The following PARN variants were observed in gnomAD, a reference collection of about 807,000 sequenced individuals.
The protein encoded by PARN is poly(A)-specific ribonuclease.
Under a neutral mutation model 102.8 loss-of-function variants are expected in PARN, and 71 were observed. The observed-to-expected ratio is 0.69, with a 90% CI of 0.57 to 0.84. The LOEUF is 0.84. Among genes scored for constraint, PARN ranks in the 40% least tolerant of loss-of-function variants. The pLI is 0.00. For synonymous variants in PARN, 261 were observed against 252.9 expected (o/e 1.03, Z -0.30); for missense variants, 782 against 760.9 (o/e 1.03, Z -0.33).
At chr16:14,588,193 GAAC>G (rs1385318859) in intron 13 of PARN, among the ~76,000 whole-genome samples, 3 of 152,156 alleles carry the variant, frequency 2.0e-5, no homozygotes, top group African/African-American at 7.2e-5. Context: ...CAAACATTGA[GAAC>G]AACAAGAGAA....
chr16:14,494,600 C>T (rs1471884785), intron 21 of PARN, among the ~76,000 whole-genome samples: 3 of 152,106 alleles, frequency 2.0e-5, no homozygotes, highest in Non-Finnish European at 4.4e-5. Context: ...GATGAATGAC[C>T]GTAATAGTGA....
At chr16:14,586,518 A>T (rs1479667612) in intron 13 of PARN, among the ~76,000 whole-genome samples, 157 bp from the exon 14 acceptor site, 4 of 152,230 alleles carry the variant, frequency 2.6e-5, no homozygotes, top group African/African-American at 4.8e-5. Context: ...CAAGTACAAA[A>T]AAAACACAAA....
chr16:14,452,967 T>C (rs962730190), intron 22 of PARN, among the ~76,000 whole-genome samples: 4 of 152,214 alleles, frequency 2.6e-5, no homozygotes, highest in Admixed American at 2.6e-4. Context: ...TGTGCATGTG[T>C]GTGTATGTGC....
At chr16:14,547,523 G>A (rs1297840520) in intron 21 of PARN, among the ~76,000 whole-genome samples, 1 of 151,758 alleles carries the variant, frequency 6.6e-6, no homozygotes, top group African/African-American at 2.4e-5. Flanking sequence ...CGAGCAACAT[G>A]GCAAGGCCCC....
At chr16:14,494,157 T>G (rs1964193597) in intron 21 of PARN, among the ~76,000 whole-genome samples, 1 of 152,154 alleles carries the variant, frequency 6.6e-6, no homozygotes, top group Non-Finnish European at 1.5e-5. Flanking sequence ...ACGTGAGAAT[T>G]TTGGTATACT....
chr16:14,568,154 A>G (rs1230470305), intron 18 of PARN, among the ~76,000 whole-genome samples: 2 of 151,690 alleles, frequency 1.3e-5, no homozygotes, highest in East Asian at 3.9e-4. Context: ...GTTCAAGACC[A>G]GTCTGGGTGA....
chr16:14,582,427 C>T (rs1022430552), intron 16 of PARN, 136 bp from the exon 17 acceptor site: 16 of 646,426 alleles, frequency 2.5e-5, no homozygotes, highest in Non-Finnish European at 4.2e-5. Flanking sequence ...CCTTAATTCT[C>T]TCTATATAAG....
At chr16:14,557,762 C>T (rs1967789786) in intron 18 of PARN, among the ~76,000 whole-genome samples, 1 of 152,112 alleles carries the variant, frequency 6.6e-6, no homozygotes, top group Non-Finnish European at 1.5e-5. Flanking sequence ...CTAATTTAGG[C>T]TCAAGTGTAC....
intron 20 of PARN, among the ~76,000 whole-genome samples, chr16:14,553,780 T>G (rs1967481069): frequency 6.6e-6 from 1 of 152,242 alleles, no homozygotes; most frequent in Non-Finnish European, 1.5e-5. Context: ...TATTTATGCT[T>G]AGCCACAGCT....
At chr16:14,490,188 C>T (rs1963985391) in intron 21 of PARN, among the ~76,000 whole-genome samples, 1 of 152,092 alleles carries the variant, frequency 6.6e-6, no homozygotes, top group Non-Finnish European at 1.5e-5. Flanking sequence ...AAAAATAAAA[C>T]AAAGAAAGAG....
intron 7 of PARN, among the ~76,000 whole-genome samples, chr16:14,610,102 T>C (rs555195533): frequency 6.6e-6 from 1 of 152,218 alleles, no homozygotes; most frequent in African/African-American, 2.4e-5. Context: ...CGTACTGAAA[T>C]CTCTTGCCTA....
intron 12 of PARN, among the ~76,000 whole-genome samples, chr16:14,594,387 G>A (rs1423752083): frequency 6.6e-6 from 1 of 152,166 alleles, no homozygotes; most frequent in Non-Finnish European, 1.5e-5. Flanking sequence ...CATAAATTTA[G>A]ATTTAGCCAG....
intron 22 of PARN, among the ~76,000 whole-genome samples, chr16:14,479,272 A>G (rs1329400511): frequency 6.6e-6 from 1 of 152,068 alleles, no homozygotes; most frequent in Non-Finnish European, 1.5e-5. Flanking sequence ...ATTTTTAAAA[A>G]TTAGCCGGGA....
rs1223641397 is a variant in PARN, at chr16:14,533,082, C to T, written c.1480+18939G>A. On this transcript the variant is annotated intron_variant, in intron 21 of 23. Coordinates refer to ENST00000437198, the MANE Select transcript of PARN (RefSeq NM_002582.4). ...CTGGGAGGTGGAGGTTGTAGCGAGC[C>T]GAGATCACGCCACTGCACTCCAGCC... is the stretch of plus-strand genomic sequence containing the variant. Among the ~76,000 whole-genome samples, 3 of 152,168 alleles carry T rather than the reference C, an allele frequency of 2.0e-5. No homozygotes were observed. In the South Asian group the frequency reaches 6.2e-4, roughly 32 times the overall value.
At chr16:14,557,858 C>T (rs1967794559) in intron 18 of PARN, among the ~76,000 whole-genome samples, 1 of 152,190 alleles carries the variant, frequency 6.6e-6, no homozygotes. Context: ...AAGCACCTAG[C>T]ATGGTGGGTT....
At chr16:14,575,983 C>A (rs929006626) in intron 18 of PARN, 2 of 153,956 alleles carry the variant, frequency 1.3e-5, no homozygotes, top group African/African-American at 4.8e-5. Context: ...AAGCTCTCTT[C>A]TCATCTGCTG....
At chr16:14,555,456 C>G (rs948343969) in intron 19 of PARN, among the ~76,000 whole-genome samples, 198 bp downstream of exon 19, 35 of 152,206 alleles carry the variant, frequency 2.3e-4, no homozygotes, top group African/African-American at 8.4e-4. Context: ...CATGCATAAA[C>G]TGGAAAACAT....
At chr16:14,588,606 G>A (rs1250047884) in intron 13 of PARN, among the ~76,000 whole-genome samples, 1 of 152,062 alleles carries the variant, frequency 6.6e-6, no homozygotes, top group Non-Finnish European at 1.5e-5. Context: ...GGCTGGGAGC[G>A]GGTGGCTCAT....
chr16:14,442,426 C>T (rs1798786757), intron 23 of PARN, among the ~76,000 whole-genome samples: 1 of 152,142 alleles, frequency 6.6e-6, no homozygotes, highest in Admixed American at 6.5e-5. Context: ...GCTGGCACTA[C>T]CAATCAACAG....
Sources: allele counts gnomAD v4.1 joint callset (sites outside exome capture counted in the v4.1 genomes callset), GRCh38; gene constraint gnomAD v4.1.1; transcripts MANE v1.5; gene names NCBI Gene and HGNC (gene_info 2026-07-23, HGNC 2026-07-21).